Variants in DCP2 observed in about 807,000 individuals in gnomAD.
DCP2 encodes the protein m7GpppN-mRNA hydrolase.
In DCP2, 30 loss-of-function variants were observed where a neutral mutation model predicts 56.1. The observed-to-expected ratio is 0.53, with a 90% confidence interval of 0.40 to 0.73. The LOEUF is 0.73. DCP2 is among the 30% of genes least tolerant of loss of function. DCP2 has a pLI of 0.00. For missense variants in DCP2, 533 were observed against 502.7 expected, an observed-to-expected ratio of 1.06 and a Z score of -0.58; for synonymous variants, 197 against 163.3, an observed-to-expected ratio of 1.21 and a Z score of -1.57.
intron 1 of DCP2, among the ~76,000 whole-genome samples, chr5:112,983,624 G>A (rs182988352): frequency 2.6e-4 from 39 of 152,060 alleles, no homozygotes; most frequent in Non-Finnish European, 4.0e-4. Flanking sequence ...ACAGTGTAGT[G>A]GATCAAAAAT....
intron 1 of DCP2, chr5:112,984,704 ATATATATATAT>A (rs1167603592): frequency 2.2e-5 from 2 of 89,046 alleles, no homozygotes; most frequent in African/African-American, 1.2e-4. Flanking sequence ...AAAAAAAAAA[ATATATATATAT>A]ATATATATAT....
intron 9 of DCP2, among the ~76,000 whole-genome samples, chr5:113,010,094 G>A (rs1749616234): frequency 6.7e-6 from 1 of 148,754 alleles, no homozygotes; most frequent in Admixed American, 6.7e-5. Flanking sequence ...ATGTGGTGGT[G>A]CGATCTTGGC....
chr5:113,019,961 T>G lies in DCP2; in HGVS notation c.*6477T>G, dbSNP rs544945111. 6.6e-6 allele frequency: 1 copy of G among 152,362 alleles called. No homozygotes were observed. Among genetic ancestry groups the G allele is most frequent in the African/African-American group, 2.4e-5 (1 of 41,592 alleles). The allele number at this position is 152,362 out of a possible 1,614,324, so 9.4% of individuals were successfully genotyped here. A position where few individuals can be genotyped will look rare whatever the true frequency, so the allele number is the denominator to read the frequency against. On this transcript the variant is annotated 3_prime_UTR_variant, in exon 11 of 11. Transcript: ENST00000389063. ...CAGATTAGTTTGGATGGGAAAGTGGTAAGACTTGACTTTTTAATACTGTGC... is the reference window on the plus strand; with the variant it reads ...CAGATTAGTTTGGATGGGAAAGTGGGAAGACTTGACTTTTTAATACTGTGC...
At chr5:112,990,340 A>G (rs1748523436) in intron 2 of DCP2, among the ~76,000 whole-genome samples, 5 of 152,140 alleles carry the variant, frequency 3.3e-5, no homozygotes, top group Admixed American at 3.3e-4. Context: ...AATTATGCAT[A>G]GTCTTTGATT....
intron 9 of DCP2, among the ~76,000 whole-genome samples, chr5:113,008,903 G>A (rs1749559288): frequency 6.6e-6 from 1 of 151,826 alleles, no homozygotes; most frequent in South Asian, 2.1e-4. Flanking sequence ...GATTGCAGTG[G>A]CACGATCTCG....
chr5:112,977,740 T>A (rs1747786087), intron 1 of DCP2, among the ~76,000 whole-genome samples: 1 of 152,212 alleles, frequency 6.6e-6, no homozygotes, highest in African/African-American at 2.4e-5. Context: ...ACGTGTAGGA[T>A]ACTTAAAAAT....
rs1749980984 is a variant in DCP2, at chr5:113,018,499, T to G, written c.*5015T>G. The stretch of plus-strand genomic sequence containing the variant: ...GCTGGGTAGTATTGGTCAAAGGTAC[T>G]CTGAAGAGTGAATGCAGAAATCAGT... On this transcript the variant is annotated 3_prime_UTR_variant, in exon 11 of 11. Coordinates refer to ENST00000389063, the MANE Select transcript of DCP2 (RefSeq NM_152624.6). The G allele has an allele frequency of 6.6e-6, 1 of 152,230 alleles. No homozygotes were observed. Among genetic ancestry groups the G allele is most frequent in the South Asian group, 2.1e-4 (1 of 4,830 alleles). The allele number at this position is 152,230 out of a possible 1,614,324, so 9.4% of individuals were successfully genotyped here. A position where few individuals can be genotyped will look rare whatever the true frequency, so the allele number is the denominator to read the frequency against.
rs936772752 is a variant in DCP2 at position 113,004,055 on chromosome 5, T to C, written c.920T>C (p.Met307Thr). 4.3e-6 allele frequency: 7 copies of C among 1,613,748 alleles called. No individual in the cohort carries two copies. The highest frequency in any genetic ancestry group is 5.9e-6 in the Non-Finnish European group (7 of 1,179,936). Residue 307 changes from methionine to threonine, a missense_variant, in exon 8 of 11, where the codon ATG (methionine) becomes ACG (threonine). By Grantham distance (81) the Met-to-Thr change is moderately conservative. This residue lies in a region of DCP2 where 392 missense variants were observed against 346.6 expected (regional missense o/e 1.13). Coordinates refer to ENST00000389063, the MANE Select transcript of DCP2 (RefSeq NM_152624.6). ...QQKPYNNHSE[M>T]SDLLKGKNQS... ...AAGCCATATAATAATCATTCTGAAA[T>C]GTCTGACCTTTTAAAAGGAAAGGTG...
At chr5:113,009,186 C>T (rs1749573463) in intron 9 of DCP2, among the ~76,000 whole-genome samples, 1 of 152,142 alleles carries the variant, frequency 6.6e-6, no homozygotes, top group South Asian at 2.1e-4. Flanking sequence ...TGTTAATTGT[C>T]CTCAAATTAA....
chr5:113,009,017 T>G (rs957519009), intron 9 of DCP2, among the ~76,000 whole-genome samples: 15 of 152,152 alleles, frequency 9.9e-5, no homozygotes, highest in South Asian at 2.1e-4. Context: ...CTAATTTTTT[T>G]TTGTATTTTA....
At chr5:112,991,515 TTAAAA>T (rs1273708599) in intron 2 of DCP2, among the ~76,000 whole-genome samples, 1 of 152,212 alleles carries the variant, frequency 6.6e-6, no homozygotes, top group African/African-American at 2.4e-5. Context: ...TCTGTAATCC[TTAAAA>T]TAAAATTTGT....
chr5:112,985,854 C>T lies in DCP2; in HGVS notation c.73C>T (p.Pro25Ser). The change falls in exon 2 of 11, where the codon CCC becomes TCC. Residue 25 changes from proline (P) to serine (S), a missense_variant. Around this residue, in one of 3 missense-constraint regions of DCP2, gnomAD observed 137 missense variants for 138.2 expected, o/e 0.99. Coordinates refer to ENST00000389063, the MANE Select transcript of DCP2 (RefSeq NM_152624.6). The part of the protein sequence containing the change: ...DLCSRFILHI[P>S]SEERDNAIRV... ...TGACAGCCGATTTATTTTGCATATTCCCAGCGAGGAAAGAGACAATGCAAT... is the reference window on the plus strand; with the variant it reads ...TGACAGCCGATTTATTTTGCATATTTCCAGCGAGGAAAGAGACAATGCAAT... 6.2e-7 allele frequency: 1 copy of T among 1,605,420 alleles called. No homozygotes were observed. The highest frequency in any genetic ancestry group is 8.5e-7 in the Non-Finnish European group (1 of 1,172,872).
chr5:113,007,977 G>C lies in DCP2; in HGVS notation c.982G>C (p.Asp328His), dbSNP rs1749517744. The C allele has an allele frequency of 6.8e-6, 11 of 1,613,780 alleles. No homozygotes were observed. Among genetic ancestry groups the C allele is most frequent in the Non-Finnish European group, 8.5e-6 (10 of 1,179,916 alleles). Residue 328 changes from aspartate (D) to histidine (H), a missense_variant, in exon 9 of 11, where the codon GAT (aspartate) becomes CAT (histidine). Transcript: ENST00000389063. ...MRGNGRKQYQDSPNQKKRTNG... is the reference protein window; with the variant it reads ...MRGNGRKQYQHSPNQKKRTNG... ...GGGAAATGGCAGAAAACAGTATCAAGATTCACCTAATCAAAAGAAAAGAAC... is the reference window on the plus strand; with the variant it reads ...GGGAAATGGCAGAAAACAGTATCAACATTCACCTAATCAAAAGAAAAGAAC...
intron 8 of DCP2, among the ~76,000 whole-genome samples, chr5:113,005,774 T>C (rs938992857): frequency 3.3e-5 from 5 of 152,162 alleles, no homozygotes; most frequent in African/African-American, 1.2e-4. Context: ...AACAGATGAA[T>C]GGATAAACAA....
chr5:113,016,447 G>A lies in DCP2; in HGVS notation c.*2963G>A, dbSNP rs926235748. The A allele has an allele frequency of 1.3e-5, 2 of 152,162 alleles. No homozygotes were observed. Among genetic ancestry groups the A allele is most frequent in the Non-Finnish European group, 2.9e-5 (2 of 68,004 alleles). 9.4% of individuals were successfully genotyped at this position (152,162 alleles called of 1,614,324 possible). Reference sequence around the variant, plus strand: ...CTTGCTGTTCTGAGCTTTGAATATCGTTATTTTTCTATTAAATATCAATTA... The same window carrying A: ...CTTGCTGTTCTGAGCTTTGAATATCATTATTTTTCTATTAAATATCAATTA... On this transcript the variant is annotated 3_prime_UTR_variant, in exon 11 of 11. Transcript: ENST00000389063.
At position 113,013,334 on chromosome 5, in the gene DCP2, C is replaced by T. The variant is rs761214078; in HGVS notation, c.1113C>T (p.Asp371=). The change falls in exon 11 of 11, where the codon GAC becomes GAT. Residue 371 remains aspartate (D), a synonymous_variant. Coordinates refer to ENST00000389063, the MANE Select transcript of DCP2 (RefSeq NM_152624.6). ...TTCTTTAAACAGATGCTGTATATGACTTGCCTAGCTCCAGTGAAGACCAGT... is the reference window on the plus strand; with the variant it reads ...TTCTTTAAACAGATGCTGTATATGATTTGCCTAGCTCCAGTGAAGACCAGT... The part of the protein sequence containing the change: ...QDNFETDAVY[D]LPSSSEDQLL... 3 of 1,613,706 alleles carry T rather than the reference C, an allele frequency of 1.9e-6. No individual in the cohort carries two copies. In the East Asian group the frequency reaches 6.7e-5, roughly 36 times the overall value.
intron 2 of DCP2, among the ~76,000 whole-genome samples, chr5:112,989,984 A>G (rs1748506288): frequency 6.6e-6 from 1 of 152,174 alleles, no homozygotes; most frequent in Non-Finnish European, 1.5e-5. Context: ...GGTTTCTAGT[A>G]TGAGCAGTTG....
At chr5:112,977,551 C>T (rs1273932247) in intron 1 of DCP2, among the ~76,000 whole-genome samples, 7 of 151,926 alleles carry the variant, frequency 4.6e-5, no homozygotes, top group Non-Finnish European at 7.4e-5. Flanking sequence ...TTTTCTCATC[C>T]CTGGACTTGT....
Position 112,993,122 on chromosome 5 carries a change from A to G in DCP2, c.432+352A>G, listed in dbSNP as rs75460566. Among the ~76,000 whole-genome samples, 309 of 151,782 alleles carry G rather than the reference A, an allele frequency of 2.0e-3. 1 individual carries two copies. The highest frequency in any genetic ancestry group is 3.8e-3 in the Non-Finnish European group (260 of 67,904). On this transcript the variant is annotated intron_variant, in intron 4 of 10. Transcript: ENST00000389063. ...TGTTTATAGCCTTGGCTTCCTGACAAGTGCACAATTTGGGATTTTCTAAGA... is the reference window on the plus strand; with the variant it reads ...TGTTTATAGCCTTGGCTTCCTGACAGGTGCACAATTTGGGATTTTCTAAGA...
Sources: gnomAD v4.1 joint callset for allele counts (sites outside exome capture counted in the v4.1 genomes callset) on GRCh38, gnomAD v4.1.1 for gene constraint, gnomAD v4.1.1 regional missense constraint, MANE v1.5 for transcripts, NCBI Gene and HGNC (gene_info 2026-07-23, HGNC 2026-07-21) for gene names.